Variants in FNDC3B observed in about 807,000 individuals in gnomAD.
FNDC3B encodes fibronectin type III domain containing 3B.
In FNDC3B, 12 loss-of-function variants were observed where a neutral mutation model predicts 151.5. That is an observed-to-expected ratio of 0.08 (90% CI 0.05 to 0.13). The LOEUF (loss-of-function observed/expected upper bound fraction) is 0.13. Among genes scored for constraint, FNDC3B ranks in the 10% least tolerant of loss-of-function variants. The pLI is 1.00. For synonymous variants in FNDC3B, 528 were observed against 549.0 expected, an observed-to-expected ratio of 0.96 and a Z score of 0.54; for missense variants, 1,214 against 1,505.3, an observed-to-expected ratio of 0.81 and a Z score of 3.20.
chr3:172,332,856 A>G (rs948425446), intron 13 of FNDC3B, among the ~76,000 whole-genome samples: 5 of 152,194 alleles, frequency 3.3e-5, no homozygotes, highest in Admixed American at 6.5e-5. Flanking sequence ...GTCACAATAA[A>G]TTTGACCAGA....
At chr3:172,098,371 G>A (rs1275045136) in intron 1 of FNDC3B, among the ~76,000 whole-genome samples, 1 of 152,158 alleles carries the variant, frequency 6.6e-6, no homozygotes, top group Non-Finnish European at 1.5e-5. Context: ...CTGTACAGAA[G>A]TCATTGTTAA....
chr3:172,081,632 A>G (rs1576844910), intron 1 of FNDC3B, among the ~76,000 whole-genome samples: 1 of 152,240 alleles, frequency 6.6e-6, no homozygotes. Context: ...TAGATCGATA[A>G]TATGCTGAAT....
At chr3:172,344,577 A>G (rs746697394) in intron 19 of FNDC3B, among the ~76,000 whole-genome samples, 6 of 152,210 alleles carry the variant, frequency 3.9e-5, no homozygotes, top group Non-Finnish European at 8.8e-5. Context: ...TTATCAGTTC[A>G]GGGAAATTAG....
At chr3:172,215,305 G>A (rs1180410344) in intron 3 of FNDC3B, among the ~76,000 whole-genome samples, 2 of 152,260 alleles carry the variant, frequency 1.3e-5, no homozygotes, top group Non-Finnish European at 2.9e-5. Context: ...TTGTGGCCAG[G>A]CAAATGGGAT....
chr3:172,132,609 G>A (rs1488179637), intron 2 of FNDC3B, among the ~76,000 whole-genome samples: 7 of 152,070 alleles, frequency 4.6e-5, no homozygotes, highest in Non-Finnish European at 2.9e-5. Flanking sequence ...TTTCACCCAG[G>A]TTGGTCTTGA....
chr3:172,161,837 G>A (rs990720600), intron 3 of FNDC3B, among the ~76,000 whole-genome samples: 1 of 152,120 alleles, frequency 6.6e-6, no homozygotes, highest in African/African-American at 2.4e-5. Flanking sequence ...CCCATTAGCA[G>A]TTACCCCTGA....
At chr3:172,394,240 G>A (rs1446159111) in intron 25 of FNDC3B, among the ~76,000 whole-genome samples, 6 of 151,786 alleles carry the variant, frequency 4.0e-5, no homozygotes, top group Non-Finnish European at 5.9e-5. Flanking sequence ...ACGGAACTGG[G>A]GGGAGGGAGA....
At chr3:172,270,381 G>A (rs983971055) in intron 6 of FNDC3B, among the ~76,000 whole-genome samples, 6 of 152,172 alleles carry the variant, frequency 3.9e-5, no homozygotes, top group Admixed American at 6.5e-5. Context: ...TGCCTGATGC[G>A]CCTTCTTCCA....
At chr3:172,387,723 G>A (rs1735791490) in intron 25 of FNDC3B, among the ~76,000 whole-genome samples, 1 of 152,124 alleles carries the variant, frequency 6.6e-6, no homozygotes, top group Non-Finnish European at 1.5e-5. Flanking sequence ...TGGAGGCCAG[G>A]TAGAGGACTC....
intron 1 of FNDC3B, among the ~76,000 whole-genome samples, chr3:172,076,599 C>T (rs1271740965): frequency 6.6e-6 from 1 of 152,100 alleles, no homozygotes. Context: ...TGTTGTTTCC[C>T]TTATTATTTT....
At chr3:172,308,607 T>G (rs1731310478) in intron 10 of FNDC3B, among the ~76,000 whole-genome samples, 1 of 152,200 alleles carries the variant, frequency 6.6e-6, no homozygotes, top group Non-Finnish European at 1.5e-5. Context: ...GGGCCTCAGT[T>G]GATCCCTCTT....
At chr3:172,378,594 G>A (rs1213822107) in intron 24 of FNDC3B, among the ~76,000 whole-genome samples, 158 bp downstream of exon 24, 2 of 152,172 alleles carry the variant, frequency 1.3e-5, no homozygotes, top group Non-Finnish European at 2.9e-5. Flanking sequence ...TTGTCTGGGG[G>A]AAATGAGAGA....
intron 3 of FNDC3B, among the ~76,000 whole-genome samples, chr3:172,210,566 C>T (rs892362644): frequency 1.1e-4 from 16 of 151,402 alleles, no homozygotes; most frequent in African/African-American, 1.5e-4. Flanking sequence ...TTTTTGCCCA[C>T]GCTGTTCTCA....
intron 3 of FNDC3B, among the ~76,000 whole-genome samples, chr3:172,203,779 C>T (rs9854411): frequency 0.89 from 135,699 of 152,184 alleles, 60,790 homozygotes; most frequent in African/African-American, 0.95. Context: ...ATTCAGGCAC[C>T]CCTTGTCTTT....
intron 3 of FNDC3B, among the ~76,000 whole-genome samples, chr3:172,162,578 C>G (rs1255271502): frequency 6.6e-6 from 1 of 151,640 alleles, no homozygotes; most frequent in African/African-American, 2.4e-5. Flanking sequence ...TCCAAAGCAG[C>G]TGTACCACTT....
chr3:172,255,505 G>C (rs1728287814), intron 6 of FNDC3B, among the ~76,000 whole-genome samples: 1 of 152,052 alleles, frequency 6.6e-6, no homozygotes, highest in Admixed American at 6.5e-5. Flanking sequence ...CCTGACCTCA[G>C]GTGATTCACC....
At chr3:172,307,583 C>A (rs1054135276) in intron 10 of FNDC3B, 82 bp downstream of exon 10, 3 of 1,406,368 alleles carry the variant, frequency 2.1e-6, no homozygotes, top group South Asian at 1.2e-5. Flanking sequence ...GTCCCAGCTA[C>A]CTGGGAGGCT....
At chr3:172,256,065 C>T (rs544621052) in intron 6 of FNDC3B, among the ~76,000 whole-genome samples, 4 of 152,166 alleles carry the variant, frequency 2.6e-5, no homozygotes, top group Non-Finnish European at 5.9e-5. Flanking sequence ...CCTTGAGAAC[C>T]TTTGTGGTGC....
At position 172,206,909 on chromosome 3, in the gene FNDC3B, A is replaced by ATAATC. The variant is rs1230513802; in HGVS notation, c.188-19961_188-19960insAATCT. On this transcript the variant is annotated intron_variant, in intron 3 of 25. Transcript: ENST00000415807. ...GGTTTCTTCTTTTGAGAGAGAGATT[A>ATAATC]TGACAAAAGAATAGCTTGGCTTTCT... Among the ~76,000 whole-genome samples the ATAATC allele has an allele frequency of 6.6e-5, 10 of 152,298 alleles. No homozygotes were observed. In the East Asian group the frequency reaches 1.4e-3, roughly 21 times the overall value.
Sources: gnomAD v4.1 joint callset for allele counts (sites outside exome capture counted in the v4.1 genomes callset) on GRCh38, gnomAD v4.1.1 for gene constraint, MANE v1.5 for transcripts, NCBI Gene and HGNC (gene_info 2026-07-23, HGNC 2026-07-21) for gene names.